Variants in PTOV1 observed in about 807,000 individuals in gnomAD.
PTOV1 encodes PTOV1 extended AT-hook containing adaptor protein, also known as prostate tumor-overexpressed gene 1 protein.
In PTOV1, 20 loss-of-function variants were observed where a neutral mutation model predicts 58.0. The ratio of observed to expected loss-of-function variants is 0.34; its 90% CI spans 0.24 to 0.50. PTOV1 has a LOEUF of 0.50. Among genes scored for constraint, PTOV1 ranks in the 20% least tolerant of loss-of-function variants. PTOV1 has a pLI of 0.98. For missense variants in PTOV1, 593 were observed against 565.4 expected (o/e 1.05, Z -0.50); for synonymous variants, 335 against 234.2 (o/e 1.43, Z -3.93).
chr19:49,857,346 C>T (rs897240420), intron 6 of PTOV1: 13 of 677,528 alleles, frequency 1.9e-5, no homozygotes, highest in South Asian at 3.7e-5. Context: ...GGTCTTGGCG[C>T]GGCGGCAGGG....
Position 49,851,508 on chromosome 19 carries a change from C to T in PTOV1, c.171+9C>T. ...GCTCGGCCCCTCCCATGGTGAGCCC[C>T]CCGCCCTTTTTCCAGAGCCTTCCAC... On this transcript the variant is annotated intron_variant, in intron 1 of 11. Coordinates refer to ENST00000391842, the Ensembl canonical transcript of PTOV1. The T allele has an allele frequency of 8.3e-7, 1 of 1,207,136 alleles. No individual in the cohort carries two copies. The highest frequency in any genetic ancestry group is 1.0e-6 in the Non-Finnish European group (1 of 969,674). The allele number at this position is 1,207,136 out of a possible 1,614,324, so 74.8% of individuals were successfully genotyped here.
upstream of PTOV1, chr19:49,850,746 G>A (rs546739099): frequency 6.8e-5 from 72 of 1,060,522 alleles, no homozygotes; most frequent in South Asian, 1.0e-3. Flanking sequence ...GCTGTCTCAG[G>A]CTCGGGTGCA....
intron 10 of PTOV1, 161 bp downstream of exon 10, chr19:49,858,814 G>C: frequency 1.6e-6 from 1 of 632,760 alleles, no homozygotes; most frequent in Non-Finnish European, 2.8e-6. Context: ...GCTCTGTGCT[G>C]TCCCCACGGC....
At chr19:49,859,079 T>C (rs895743357) in intron 10 of PTOV1, 1 of 158,756 alleles carries the variant, frequency 6.3e-6, no homozygotes, top group African/African-American at 2.4e-5. Context: ...CTTCTCTCTC[T>C]CGGGCTCAGT....
rs1555806304 is a variant in PTOV1 at position 49,854,748 on chromosome 19, C to T, written c.392+14C>T. ...AGGCGAGAACCTGTGAGTGCCGGGG[C>T]GTGGCAGCCAGGGCGGTGGCAGGGG... On this transcript the variant is annotated intron_variant, in intron 3 of 11. Transcript: ENST00000391842. 13 of 1,613,188 alleles carry T rather than the reference C, an allele frequency of 8.1e-6. No individual in the cohort carries two copies. Among genetic ancestry groups the T allele is most frequent in the South Asian group, 2.2e-5 (2 of 91,080 alleles).
upstream of PTOV1, chr19:49,851,111 C>A: frequency 1.5e-6 from 2 of 1,366,524 alleles, no homozygotes; most frequent in Non-Finnish European, 1.9e-6. Flanking sequence ...GCTCCGGCCA[C>A]GCCCCCTCGG....
intron 5 of PTOV1, chr19:49,856,764 ACT>A: frequency 1.7e-6 from 1 of 583,024 alleles, no homozygotes; most frequent in Non-Finnish European, 3.0e-6. Flanking sequence ...GCCGGGTGCC[ACT>A]CTGACCTCAG....
exon 1 of PTOV1, chr19:49,851,264 C>G: frequency 9.1e-7 from 1 of 1,098,906 alleles, no homozygotes; most frequent in Non-Finnish European, 1.1e-6. Flanking sequence ...GCCCCTCAGT[C>G]GGTGGAGCCC....
rs551786417 is a variant in PTOV1, at chr19:49,857,313, C to T, written c.714+183C>T. On this transcript the variant is annotated intron_variant, in intron 6 of 11. Coordinates refer to ENST00000391842, the Ensembl canonical transcript of PTOV1. Reference sequence around the variant, plus strand: ...GCTCCATGGAAAAGCGGCCACTGGGCGGCTCTGCAGGGCTGGAGGGTGGGT... The same window carrying T: ...GCTCCATGGAAAAGCGGCCACTGGGTGGCTCTGCAGGGCTGGAGGGTGGGT... The T allele has an allele frequency of 6.5e-5, 55 of 850,654 alleles. No homozygotes were observed. In the East Asian group the frequency reaches 1.0e-3, roughly 16 times the overall value. 52.7% of individuals were successfully genotyped at this position (850,654 alleles called of 1,614,324 possible). A position where few individuals can be genotyped will look rare whatever the true frequency, so the allele number is the denominator to read the frequency against.
chr19:49,858,190 C>T (rs570338501), intron 9 of PTOV1, 76 bp downstream of exon 9: 3 of 1,536,246 alleles, frequency 2.0e-6, no homozygotes, highest in East Asian at 2.3e-5. Flanking sequence ...GCAAGAGCGC[C>T]TCCCCAGGTG....
intron 10 of PTOV1, chr19:49,858,904 G>A (rs886529719): frequency 2.7e-5 from 12 of 442,816 alleles, no homozygotes; most frequent in Middle Eastern, 1.2e-3. Context: ...CACCAACTCC[G>A]CGCTCTCCAC....
At chr19:49,857,394 C>T (rs923677070) in intron 6 of PTOV1, 14 of 612,540 alleles carry the variant, frequency 2.3e-5, no homozygotes, top group South Asian at 3.9e-5. Flanking sequence ...GGGTTGGGAT[C>T]GTCCTGCGGC....
chr19:49,859,377 G>GGT (rs1478988791), intron 10 of PTOV1: 2 of 153,636 alleles, frequency 1.3e-5, no homozygotes, highest in East Asian at 3.8e-4. Context: ...GATCACCTGA[G>GGT]GTCAGGAGTT....
chr19:49,856,924 CACAGTGGCCCCGG>C, intron 5 of PTOV1, 38 bp from the exon 6 acceptor site: 1 of 1,603,420 alleles, frequency 6.2e-7, no homozygotes. Flanking sequence ...GTGGTGGGGG[CACAGTGGCCCCGG>C]GCAGTGACCA....
At chr19:49,858,113 T>G (rs1394480148) in exon 9 of PTOV1, 1 of 1,613,216 alleles carries the variant, frequency 6.2e-7, no homozygotes, top group Non-Finnish European at 8.5e-7. Flanking sequence ...CAGCAGCTGC[T>G]GGTGAGGGGC....
At chr19:49,858,338 G>C in intron 9 of PTOV1, 1 of 697,140 alleles carries the variant, frequency 1.4e-6, no homozygotes, top group East Asian at 2.7e-5. Flanking sequence ...GGGCAGCCAC[G>C]ACCTGCACCT....
At chr19:49,851,890 G>A in intron 1 of PTOV1, 1 of 985,880 alleles carries the variant, frequency 1.0e-6, no homozygotes, top group Non-Finnish European at 1.2e-6. Context: ...CAGCGGCGAG[G>A]GAGGGGCCCG....
At chr19:49,852,088 T>G (rs2074276271) in intron 1 of PTOV1, 1 of 984,848 alleles carries the variant, frequency 1.0e-6, no homozygotes, top group Admixed American at 6.1e-5. Context: ...CTGCACACGC[T>G]TCTCCGGACC....
chr19:49,853,966 A>C (rs144813520), intron 1 of PTOV1, among the ~76,000 whole-genome samples: 10 of 152,350 alleles, frequency 6.6e-5, no homozygotes, highest in African/African-American at 2.4e-4. Flanking sequence ...AGACAGGGCA[A>C]GCTGGTGTGT....
Sources: allele counts gnomAD v4.1 joint callset (sites outside exome capture counted in the v4.1 genomes callset), GRCh38; gene constraint gnomAD v4.1.1; transcripts MANE v1.5; gene names NCBI Gene and HGNC (gene_info 2026-07-23, HGNC 2026-07-21).